Variants in ADGRL3 observed in about 807,000 individuals in gnomAD.
The protein encoded by ADGRL3 is calcium-independent alpha-latrotoxin receptor 3.
A neutral mutation model predicts 153.5 loss-of-function variants in ADGRL3; 62 were observed. The ratio of observed to expected loss-of-function variants is 0.40; its 90% CI spans 0.33 to 0.50. The LOEUF is 0.50. ADGRL3 is among the 20% of genes least tolerant of loss of function. The probability of loss-of-function intolerance (pLI) is 0.47; values close to 1 mark genes in which losing one functional copy is unlikely to be tolerated. For synonymous variants in ADGRL3, 710 were observed against 672.5 expected, an observed-to-expected ratio of 1.06 and a Z score of -0.86; for missense variants, 1,641 against 1,859.4, an observed-to-expected ratio of 0.88 and a Z score of 2.16.
intron 1 of ADGRL3, among the ~76,000 whole-genome samples, chr4:61,208,879 C>T (rs146247595): frequency 1.3e-5 from 2 of 152,158 alleles, no homozygotes; most frequent in East Asian, 1.9e-4. Flanking sequence ...ATTTTCAGTG[C>T]AAAGGATCCT....
intron 2 of ADGRL3, among the ~76,000 whole-genome samples, chr4:61,496,642 CA>C (rs779574042): frequency 2.9e-5 from 4 of 137,390 alleles, no homozygotes; most frequent in East Asian, 2.2e-4. Flanking sequence ...AATTCCATTT[CA>C]AAAAAAAGAA....
chr4:61,235,167 G>A (rs750436467), intron 1 of ADGRL3, among the ~76,000 whole-genome samples: 16 of 152,138 alleles, frequency 1.1e-4, no homozygotes, highest in Non-Finnish European at 2.9e-5. Context: ...CTCAGTAAAT[G>A]TTAAGTCCTC....
intron 2 of ADGRL3, among the ~76,000 whole-genome samples, chr4:61,473,443 T>C (rs2097995315): frequency 1.3e-5 from 2 of 152,052 alleles, no homozygotes; most frequent in Admixed American, 1.3e-4. Flanking sequence ...GCAGTGAATA[T>C]ATAGTTAAGA....
rs997340029 is a variant in ADGRL3, at chr4:61,709,386, G to A, written c.584-21236G>A. 2.0e-5 allele frequency among the ~76,000 whole-genome samples: 3 copies of A among 152,112 alleles called. No homozygotes were observed. In the East Asian group the frequency reaches 5.8e-4, roughly 29 times the overall value. ...AAAATTATGAAATCTGTGGAAGCAA[G>A]TACTGTGTTTTCCTGTTTTATGTTT... On this transcript the variant is annotated intron_variant, in intron 6 of 26. Transcript: ENST00000683033.
At chr4:61,813,714 G>A (rs1465333423) in intron 8 of ADGRL3, 95 bp from the exon 9 acceptor site, 8 of 1,421,478 alleles carry the variant, frequency 5.6e-6, no homozygotes, top group Non-Finnish European at 7.7e-6. Flanking sequence ...TATTAATTCA[G>A]TTTGGAGTGA....
intron 1 of ADGRL3, among the ~76,000 whole-genome samples, chr4:61,209,113 A>AG (rs1738661108): frequency 6.6e-6 from 1 of 152,210 alleles, no homozygotes; most frequent in Non-Finnish European, 1.5e-5. Context: ...TTTCTGACCC[A>AG]GCCTATCACT....
At chr4:61,794,236 A>G (rs541176771) in intron 8 of ADGRL3, among the ~76,000 whole-genome samples, 1 of 152,182 alleles carries the variant, frequency 6.6e-6, no homozygotes, top group Non-Finnish European at 1.5e-5. Flanking sequence ...TCTACTTATA[A>G]TTTCATTTAC....
intron 1 of ADGRL3, among the ~76,000 whole-genome samples, chr4:61,218,870 A>C (rs6825084): frequency 0.23 from 35,487 of 152,116 alleles, 4,424 homozygotes; most frequent in East Asian, 0.5. Flanking sequence ...GTAACATTTT[A>C]TAAGGTTAAG....
intron 1 of ADGRL3, among the ~76,000 whole-genome samples, chr4:61,311,326 C>T (rs1373614648): frequency 6.6e-6 from 1 of 152,076 alleles, no homozygotes; most frequent in African/African-American, 2.4e-5. Context: ...TCTACAGTTG[C>T]TGTGGACGTA....
At chr4:61,217,601 A>C (rs1227371511) in intron 1 of ADGRL3, among the ~76,000 whole-genome samples, 1 of 152,242 alleles carries the variant, frequency 6.6e-6, no homozygotes, top group African/African-American at 2.4e-5. Flanking sequence ...GGATGCCAGA[A>C]AATAAACTCT....
chr4:61,581,878 T>G (rs1296992390), intron 4 of ADGRL3, among the ~76,000 whole-genome samples: 2 of 152,238 alleles, frequency 1.3e-5, no homozygotes, highest in East Asian at 3.9e-4. Context: ...AATACATTCT[T>G]TATCATTACC....
intron 24 of ADGRL3, among the ~76,000 whole-genome samples, chr4:62,041,798 A>C: frequency 6.6e-6 from 1 of 152,148 alleles, no homozygotes; most frequent in East Asian, 1.9e-4. Flanking sequence ...TCTGTGCAAT[A>C]TACTATATAC....
chr4:61,316,731 A>G (rs1346363041), intron 1 of ADGRL3, among the ~76,000 whole-genome samples: 1 of 152,230 alleles, frequency 6.6e-6, no homozygotes. Flanking sequence ...AGAACTGGCT[A>G]TTCAGAAAAT....
At chr4:61,883,157 C>T (rs1267585084) in intron 9 of ADGRL3, among the ~76,000 whole-genome samples, 1 of 152,038 alleles carries the variant, frequency 6.6e-6, no homozygotes, top group Non-Finnish European at 1.5e-5. Context: ...GTCGCCTCCC[C>T]CAACACAGCC....
At chr4:61,758,899 T>C (rs2096873322) in intron 8 of ADGRL3, among the ~76,000 whole-genome samples, 1 of 152,220 alleles carries the variant, frequency 6.6e-6, no homozygotes, top group African/African-American at 2.4e-5. Flanking sequence ...TCTCAGCATT[T>C]GCTAGTCTGT....
At chr4:61,219,229 T>C (rs1218271635) in intron 1 of ADGRL3, among the ~76,000 whole-genome samples, 1 of 152,212 alleles carries the variant, frequency 6.6e-6, no homozygotes, top group Non-Finnish European at 1.5e-5. Flanking sequence ...TGATCATTGG[T>C]TAAATGACCT....
chr4:61,535,612 A>T (rs1361473670), intron 4 of ADGRL3, among the ~76,000 whole-genome samples: 2 of 151,860 alleles, frequency 1.3e-5, no homozygotes, highest in African/African-American at 4.8e-5. Context: ...ATTCATTTTC[A>T]TAACTAATTA....
intron 13 of ADGRL3, among the ~76,000 whole-genome samples, chr4:61,921,608 A>T (rs141492918): frequency 0.012 from 1,866 of 152,132 alleles, 23 homozygotes; most frequent in Non-Finnish European, 0.017. Context: ...GGGTTTCACT[A>T]TGTTGGCCAG....
intron 1 of ADGRL3, among the ~76,000 whole-genome samples, chr4:61,244,200 A>G (rs1306116237): frequency 6.6e-6 from 1 of 151,950 alleles, no homozygotes; most frequent in African/African-American, 2.4e-5. Flanking sequence ...ATGAAAGGGG[A>G]GGGATTGTGT....
Sources: gnomAD v4.1 joint callset for allele counts (sites outside exome capture counted in the v4.1 genomes callset) on GRCh38, gnomAD v4.1.1 for gene constraint, MANE v1.5 for transcripts, NCBI Gene and HGNC (gene_info 2026-07-23, HGNC 2026-07-21) for gene names.